LAMA5: variants seen among roughly 807,000 people sequenced by gnomAD.
LAMA5 encodes the protein laminin subunit alpha-5.
LAMA5 carries 260 observed loss-of-function variants against 433.4 expected under a neutral mutation model. The observed-to-expected ratio is 0.60, with a 90% confidence interval of 0.54 to 0.66. LAMA5 has a LOEUF of 0.66. Ranked by LOEUF, LAMA5 falls within the 30% of genes least tolerant of loss-of-function variation. The pLI, the probability that LAMA5 is intolerant of heterozygous loss-of-function variation, is 0.00. For synonymous variants in LAMA5, 2,620 were observed against 2,226.6 expected (o/e 1.18, Z -4.97); for missense variants, 5,378 against 5,258.5 (o/e 1.02, Z -0.70).
chr20:62,361,200 T>A (rs1986095619), intron 2 of LAMA5, among the ~76,000 whole-genome samples: 1 of 151,784 alleles, frequency 6.6e-6, no homozygotes, highest in South Asian at 2.1e-4. Context: ...GGGAGTCAGA[T>A]GCGGGGAAAC....
chr20:62,336,153 A>C (rs1473147023), intron 18 of LAMA5, among the ~76,000 whole-genome samples, 187 bp downstream of exon 18: 1 of 126,148 alleles, frequency 7.9e-6, no homozygotes. Context: ...GCACCCCAAC[A>C]TTCCCTTCAG....
chr20:62,358,373 C>T (rs1310873477), intron 2 of LAMA5, among the ~76,000 whole-genome samples: 6 of 152,168 alleles, frequency 3.9e-5, no homozygotes, highest in East Asian at 3.8e-4. Context: ...TGGTTCAGCC[C>T]GTGCACCTGT....
rs760843792 is a variant in LAMA5, at chr20:62,322,116, G to A, written c.6399C>T (p.Cys2133=). ...RCDPHTGRCN[C]PPGLSGERCD... ...AGCGCTCCCCGCTGAGCCCCGGGGG[G>A]CAGTTGCAGCGGCCCGTGTGAGGGT... Residue 2133 remains cysteine (C), a synonymous_variant, in exon 48 of 80, where the codon TGC becomes TGT. Transcript: ENST00000252999. 7.5e-6 allele frequency: 12 copies of A among 1,602,992 alleles called. No individual in the cohort carries two copies. The Admixed American group carries it at 8.4e-5, about 11-fold the overall frequency.
chr20:62,324,602 G>A lies in LAMA5; in HGVS notation c.5530-48C>T, dbSNP rs746003349. ...GGCATCAGCGATTGAGAGGACGAGG[G>A]GCCCCACCCTGCAAGCTCACAAGTC... On this transcript the variant is annotated intron_variant, in intron 41 of 79. Coordinates refer to ENST00000252999, the MANE Select transcript of LAMA5 (RefSeq NM_005560.6). The surrounding 1 kb of genome is among the most constrained non-coding windows in gnomAD (Gnocchi z 4.4). 3.2e-5 allele frequency: 44 copies of A among 1,384,946 alleles called. No individual in the cohort carries two copies. The highest frequency in any genetic ancestry group is 4.4e-5 in the Non-Finnish European group (43 of 988,086). 85.8% of individuals were successfully genotyped at this position (1,384,946 alleles called of 1,614,324 possible).
chr20:62,310,365 C>T, intron 76 of LAMA5, 54 bp from the exon 77 acceptor site: 4 of 1,567,572 alleles, frequency 2.6e-6, no homozygotes, highest in Non-Finnish European at 3.5e-6. Flanking sequence ...CCCAGAACCT[C>T]CTGGAGCCCC....
Position 62,330,510 on chromosome 20 carries a change from G to T in LAMA5, c.3957C>A (p.Ile1319=). 6.4e-7 allele frequency: 1 copy of T among 1,567,338 alleles called. No individual in the cohort carries two copies. The highest frequency in any genetic ancestry group is 8.6e-7 in the Non-Finnish European group (1 of 1,156,276). ...CACCCTGCCACACGCGGCCGGCGTT[G>T]ATGAGGACTTCCACGGGGAAGGTGG... ...AHPTFPVEVL[I]NAGRVWQGHA... Residue 1319 remains isoleucine, a synonymous_variant, in exon 31 of 80, where the codon ATC becomes ATA. Transcript: ENST00000252999.
At chr20:62,364,464 T>C (rs1986498375) in intron 1 of LAMA5, among the ~76,000 whole-genome samples, 1 of 152,170 alleles carries the variant, frequency 6.6e-6, no homozygotes, top group South Asian at 2.1e-4. Context: ...TGGGCCAGCG[T>C]TGGTCCAGTT....
At chr20:62,364,293 C>T (rs1986481685) in intron 1 of LAMA5, among the ~76,000 whole-genome samples, 1 of 152,172 alleles carries the variant, frequency 6.6e-6, no homozygotes, top group Non-Finnish European at 1.5e-5. Flanking sequence ...GTGGGCGGCG[C>T]CCTCTGGCTG....
rs759050114 is a variant in LAMA5 at position 62,325,386 on chromosome 20, C to T, written c.5459G>A (p.Gly1820Asp). 8.1e-6 allele frequency: 13 copies of T among 1,611,114 alleles called. 1 individual carries two copies. The South Asian group carries it at 1.1e-4, about 14-fold the overall frequency. ...CACATTGCTGGCCAGGGCCCCCTGG[C>T]CTGCTGGGCTGGCCACCTCCAGTGC... is the stretch of plus-strand genomic sequence containing the variant. ...RVALEVASPA[G>D]QGALASNVEL... is the part of the protein sequence containing the mutation. The change falls in exon 41 of 80, where the codon GGC becomes GAC. Residue 1820 changes from glycine to aspartate, a missense_variant. Coordinates refer to ENST00000252999, the MANE Select transcript of LAMA5 (RefSeq NM_005560.6).
At chr20:62,311,591 C>G in intron 71 of LAMA5, 23 bp downstream of exon 71, 1 of 1,607,530 alleles carries the variant, frequency 6.2e-7, no homozygotes, top group Non-Finnish European at 8.5e-7. Context: ...GGGACCTTGT[C>G]CCCCAGCGCC....
At chr20:62,353,962 G>A (rs1157029039) in intron 2 of LAMA5, among the ~76,000 whole-genome samples, 2 of 152,058 alleles carry the variant, frequency 1.3e-5, no homozygotes, top group East Asian at 1.9e-4. Context: ...CAGGCACTGG[G>A]GCAGTAGCAC....
In LAMA5 at chr20:62,328,833, G is replaced by A. The variant is rs377388914; in HGVS notation, c.4447+11C>T. 1.2e-6 allele frequency: 2 copies of A among 1,609,554 alleles called. No homozygotes were observed. Among genetic ancestry groups the A allele is most frequent in the Non-Finnish European group, 1.7e-6 (2 of 1,178,832 alleles). Reference sequence around the variant, plus strand: ...CCCTGCCACTGGGCGCCCAAGGACTGGGGTACTCACGCCTGCAGTTGGGGA... The same window carrying A: ...CCCTGCCACTGGGCGCCCAAGGACTAGGGTACTCACGCCTGCAGTTGGGGA... On this transcript the variant is annotated intron_variant, in intron 34 of 79. Transcript: ENST00000252999.
At chr20:62,329,453 G>A (rs866313073) in intron 32 of LAMA5, among the ~76,000 whole-genome samples, 200 bp from the exon 33 acceptor site, 1 of 152,204 alleles carries the variant, frequency 6.6e-6, no homozygotes, top group Admixed American at 6.5e-5. Flanking sequence ...GGGGCATGAG[G>A]AGGCAGCAGC....
chr20:62,357,352 C>T (rs1985390747), intron 2 of LAMA5, among the ~76,000 whole-genome samples: 1 of 152,324 alleles, frequency 6.6e-6, no homozygotes, highest in Middle Eastern at 3.4e-3. Flanking sequence ...CGGGCCAGCA[C>T]CCTGATCGCA....
chr20:62,346,651 A>G (rs1983421974), intron 8 of LAMA5, 31 bp downstream of exon 8: 1 of 1,609,440 alleles, frequency 6.2e-7, no homozygotes, highest in African/African-American at 1.3e-5. Context: ...CCTCAGGGCC[A>G]GCCCATTCCC....
In LAMA5 at chr20:62,332,310, G is replaced by T. The variant is rs1012964234; in HGVS notation, c.3552+62C>A. ...CCCCAACTGTCCTCTCCCCTCTCAT[G>T]CATGTTTCAAATCTTCTGAAAGAAG... On this transcript the variant is annotated intron_variant, in intron 28 of 79. Transcript: ENST00000252999. The T allele has an allele frequency of 5.8e-6, 7 of 1,204,910 alleles. No homozygotes were observed. The African/African-American group carries it at 8.8e-5, about 15-fold the overall frequency. The allele number at this position is 1,204,910 out of a possible 1,614,324, so 74.6% of individuals were successfully genotyped here. A position where few individuals can be genotyped will look rare whatever the true frequency, so the allele number is the denominator to read the frequency against.
rs1196611799 is a variant in LAMA5, at chr20:62,351,744, C to T, written c.916G>A (p.Ala306Thr). ...GGGTCTTTGGCATCGCAGGCATCCG[C>T]GTGGCCGTGGCAGACACAGCGGCCT... ...IGGRCVCHGH[A>T]DACDAKDPTD... Residue 306 changes from alanine to threonine, a missense_variant, in exon 6 of 80, where the codon GCG (alanine) becomes ACG (threonine). Ala to Thr is a moderately conservative substitution (Grantham distance 58). Coordinates refer to ENST00000252999, the MANE Select transcript of LAMA5 (RefSeq NM_005560.6). 26 of 1,611,870 alleles carry T rather than the reference C, an allele frequency of 1.6e-5. No individual in the cohort carries two copies. The highest frequency in any genetic ancestry group is 1.9e-5 in the Non-Finnish European group (23 of 1,179,842).
chr20:62,337,527 G>A, intron 16 of LAMA5, 63 bp downstream of exon 16: 1 of 1,550,308 alleles, frequency 6.5e-7, no homozygotes, highest in Non-Finnish European at 8.7e-7. Flanking sequence ...CAGGCAGCGT[G>A]TGAACAGCAC....
chr20:62,363,161 C>T (rs913081125), intron 1 of LAMA5, among the ~76,000 whole-genome samples: 17 of 152,190 alleles, frequency 1.1e-4, no homozygotes, highest in African/African-American at 3.6e-4. Flanking sequence ...CAGATCTTGC[C>T]CACAGCCTTC....
Sources: allele counts gnomAD v4.1 joint callset (sites outside exome capture counted in the v4.1 genomes callset), GRCh38; gene constraint gnomAD v4.1.1; non-coding constraint Gnocchi (gnomAD v3.1); transcripts MANE v1.5; gene names NCBI Gene and HGNC (gene_info 2026-07-23, HGNC 2026-07-21).